HEATR5B: variants seen among roughly 807,000 people sequenced by gnomAD.
HEATR5B encodes HEAT repeat-containing protein 5B.
A neutral mutation model predicts 224.1 loss-of-function variants in HEATR5B; 156 were observed. The ratio of observed to expected loss-of-function variants is 0.70; its 90% CI spans 0.61 to 0.80. The LOEUF is 0.80. Among genes scored for constraint, HEATR5B ranks in the 30% least tolerant of loss-of-function variants. The pLI, the probability that HEATR5B is intolerant of heterozygous loss-of-function variation, is 0.00. For synonymous variants in HEATR5B, 1,027 were observed against 893.0 expected (o/e 1.15, Z -2.68); for missense variants, 2,323 against 2,535.5 (o/e 0.92, Z 1.80).
intron 18 of HEATR5B, 39 bp from the exon 19 acceptor site, chr2:37,041,331 T>C: frequency 6.3e-7 from 1 of 1,599,216 alleles, no homozygotes; most frequent in Non-Finnish European, 8.6e-7. Flanking sequence ...AACTTTGCTA[T>C]TTCCCTATAA....
At chr2:37,016,755 T>A (rs930842689) in intron 26 of HEATR5B, among the ~76,000 whole-genome samples, 1 of 152,174 alleles carries the variant, frequency 6.6e-6, no homozygotes, top group African/African-American at 2.4e-5. Context: ...GTTCCTATAT[T>A]GAAAACGTTT....
intron 34 of HEATR5B, 97 bp from the exon 35 acceptor site, chr2:36,988,956 C>A: frequency 1.2e-6 from 1 of 844,384 alleles, no homozygotes. Flanking sequence ...ATAAGTGATA[C>A]TGCAGGACAA....
intron 5 of HEATR5B, among the ~76,000 whole-genome samples, chr2:37,072,737 T>TATAG (rs1217107720): frequency 2.0e-5 from 3 of 151,832 alleles, no homozygotes; most frequent in Non-Finnish European, 2.9e-5. Flanking sequence ...GATAAATCTC[T>TATAG]AGTCAGGCTG....
In HEATR5B at chr2:37,049,728, T is replaced by TC; in HGVS notation, c.2620dup (p.Glu874GlyfsTer18). The TC allele has an allele frequency of 6.2e-7, 1 of 1,613,796 alleles. No homozygotes were observed. The highest frequency in any genetic ancestry group is 8.5e-7 in the Non-Finnish European group (1 of 1,179,954). ...CACCTGAGCCATTCTTCCAAGAGCT[T>TC]CCCCCGCTGCACAACGTAAGATGGG... On this transcript the variant is annotated frameshift_variant, in exon 18 of 36. Transcript: ENST00000233099. LOFTEE classifies it high-confidence loss of function.
At chr2:37,045,899 G>T (rs1481359581) in intron 18 of HEATR5B, among the ~76,000 whole-genome samples, 1 of 152,126 alleles carries the variant, frequency 6.6e-6, no homozygotes, top group East Asian at 1.9e-4. Context: ...TCTCAAAACT[G>T]TTGTTTCATT....
chr2:37,082,741 T>C (rs1033944044), intron 2 of HEATR5B, among the ~76,000 whole-genome samples: 5 of 152,206 alleles, frequency 3.3e-5, no homozygotes, highest in Non-Finnish European at 5.9e-5. Flanking sequence ...TTGCTGTTAA[T>C]AGACACTTGA....
intron 27 of HEATR5B, among the ~76,000 whole-genome samples, chr2:37,009,798 T>G (rs1445804685): frequency 1.3e-5 from 2 of 150,382 alleles, no homozygotes; most frequent in African/African-American, 4.9e-5. Context: ...TTTTTTTTTT[T>G]GCCACAGGGT....
intron 17 of HEATR5B, among the ~76,000 whole-genome samples, chr2:37,050,423 T>A (rs1171785339): frequency 6.6e-6 from 1 of 152,182 alleles, no homozygotes; most frequent in African/African-American, 2.4e-5. Flanking sequence ...ATTCAAAGAC[T>A]AGTACTTAAA....
chr2:37,050,682 A>G (rs1572890567), intron 17 of HEATR5B, among the ~76,000 whole-genome samples: 1 of 152,342 alleles, frequency 6.6e-6, no homozygotes, highest in East Asian at 1.9e-4. Flanking sequence ...GAAACTGAAT[A>G]GTTTATATAA....
intron 11 of HEATR5B, 44 bp from the exon 12 acceptor site, chr2:37,060,777 AC>A: frequency 6.6e-7 from 1 of 1,526,460 alleles, no homozygotes; most frequent in Non-Finnish European, 8.9e-7. Flanking sequence ...TATGTAACAT[AC>A]CTTACAAACA....
At chr2:37,032,287 A>AC (rs915222341) in intron 22 of HEATR5B, among the ~76,000 whole-genome samples, 1 of 152,020 alleles carries the variant, frequency 6.6e-6, no homozygotes, top group African/African-American at 2.4e-5. Flanking sequence ...ACTTTAGGAG[A>AC]CATGGTCTTA....
intron 12 of HEATR5B, among the ~76,000 whole-genome samples, chr2:37,060,247 A>G (rs1671196735): frequency 6.6e-6 from 1 of 152,138 alleles, no homozygotes; most frequent in Non-Finnish European, 1.5e-5. Context: ...CTTTTTCTTT[A>G]AATAGCTGTT....
intron 15 of HEATR5B, 64 bp from the exon 16 acceptor site, chr2:37,056,679 G>C: frequency 1.5e-6 from 2 of 1,354,888 alleles, no homozygotes; most frequent in South Asian, 2.9e-5. Flanking sequence ...ATTAAACATT[G>C]GGAATGAGGA....
chr2:37,009,638 A>C (rs766747005), intron 27 of HEATR5B, among the ~76,000 whole-genome samples: 17 of 152,158 alleles, frequency 1.1e-4, no homozygotes, highest in Non-Finnish European at 2.2e-4. Context: ...CAAAAGAATA[A>C]TTCCATTTGC....
intron 21 of HEATR5B, among the ~76,000 whole-genome samples, chr2:37,034,887 G>A (rs1669381209): frequency 6.6e-6 from 1 of 152,060 alleles, no homozygotes; most frequent in African/African-American, 2.4e-5. Flanking sequence ...TCCTCTTCCT[G>A]AAAATAAAGA....
intron 33 of HEATR5B, among the ~76,000 whole-genome samples, chr2:36,996,847 C>G (rs1401593129): frequency 6.6e-6 from 1 of 152,200 alleles, no homozygotes; most frequent in African/African-American, 2.4e-5. Flanking sequence ...CCGCCTCAGC[C>G]TCCCAAAGTG....
rs370450567 is a variant in HEATR5B at position 37,038,009 on chromosome 2, G to A, written c.3062C>T (p.Thr1021Ile). The A allele has an allele frequency of 1.9e-5, 30 of 1,552,608 alleles. No homozygotes were observed. In the African/African-American group the frequency reaches 3.5e-4, roughly 18 times the overall value. Residue 1021 changes from threonine (T) to isoleucine (I), a missense_variant, in exon 21 of 36, where the codon ACT becomes ATT. By Grantham distance (89) the Thr-to-Ile change is moderately conservative. This residue lies in a region of HEATR5B where 88 missense variants were observed against 86.8 expected (regional missense o/e 1.01). Coordinates refer to ENST00000233099, the MANE Select transcript of HEATR5B (RefSeq NM_019024.3). ...CAAACAAGAGGAACGAATTGTAGAA[G>A]TTGTTGCTCCATTCCCTGGTGCAAA... The part of the protein sequence containing the change: ...GPELQGNGAT[T>I]STIRSSCLVG...
intron 3 of HEATR5B, 106 bp from the exon 4 acceptor site, chr2:37,077,125 A>G (rs1185166773): frequency 4.5e-6 from 4 of 880,546 alleles, no homozygotes; most frequent in Non-Finnish European, 7.2e-6. Flanking sequence ...ACTTTTGGCT[A>G]TAATCCTTAA....
At chr2:37,038,769 A>ACC (rs3084389) in intron 20 of HEATR5B, among the ~76,000 whole-genome samples, 22,065 of 150,992 alleles carry the variant, frequency 0.15, 2,261 homozygotes, top group East Asian at 0.52. Flanking sequence ...ACATAGTGGA[A>ACC]CCCCCGTCTC....
Sources: gnomAD v4.1 joint callset for allele counts (sites outside exome capture counted in the v4.1 genomes callset) on GRCh38, gnomAD v4.1.1 for gene constraint, gnomAD v4.1.1 regional missense constraint, MANE v1.5 for transcripts, NCBI Gene and HGNC (gene_info 2026-07-23, HGNC 2026-07-21) for gene names.